Variants in VEZT observed in about 807,000 individuals in gnomAD.
VEZT encodes vezatin, adherens junctions transmembrane protein.
A neutral mutation model predicts 79.9 loss-of-function variants in VEZT; 39 were observed. That is an observed-to-expected ratio of 0.49 (90% CI 0.38 to 0.64). The LOEUF (loss-of-function observed/expected upper bound fraction) is 0.64. Among genes scored for constraint, VEZT ranks in the 30% least tolerant of loss-of-function variants. The pLI is 0.00. For missense variants in VEZT, 837 were observed against 893.1 expected, an observed-to-expected ratio of 0.94 and a Z score of 0.80; for synonymous variants, 325 against 327.6, an observed-to-expected ratio of 0.99 and a Z score of 0.09.
In VEZT at chr12:95,266,558, A is replaced by C; in HGVS notation, c.636A>C (p.Arg212=). 1.2e-6 allele frequency: 2 copies of C among 1,613,958 alleles called. No individual in the cohort carries two copies. Among genetic ancestry groups the C allele is most frequent in the Non-Finnish European group, 1.7e-6 (2 of 1,179,884 alleles). Residue 212 remains arginine (R), a synonymous_variant, in exon 5 of 12, where the codon CGA becomes CGC. Coordinates refer to ENST00000436874, the MANE Select transcript of VEZT (RefSeq NM_017599.4). ...TGGAAGATATGGCCACAAACAGCCG[A>C]GCTTTTACTAACCTCGTGAGAAAAG... is the stretch of plus-strand genomic sequence containing the variant. ...VHLEDMATNS[R]AFTNLVRKAL... is the part of the protein sequence containing the mutation.
intron 1 of VEZT, among the ~76,000 whole-genome samples, chr12:95,236,268 C>G (rs9739397): frequency 0.4 from 60,109 of 151,696 alleles, 12,241 homozygotes; most frequent in African/African-American, 0.48. Flanking sequence ...CCAAAAAATA[C>G]GAAAACCAGT....
At chr12:95,279,505 G>A (rs2068522653) in intron 7 of VEZT, among the ~76,000 whole-genome samples, 2 of 152,164 alleles carry the variant, frequency 1.3e-5, no homozygotes, top group African/African-American at 4.8e-5. Flanking sequence ...CTTATCCAGA[G>A]GAGCTTTCCT....
chr12:95,292,609 C>T (rs774208589), intron 9 of VEZT, among the ~76,000 whole-genome samples: 4 of 143,220 alleles, frequency 2.8e-5, no homozygotes, highest in South Asian at 4.4e-4. Flanking sequence ...AGTGCAGTGG[C>T]GCGATCTCGC....
At chr12:95,278,607 C>A (rs898291117) in intron 7 of VEZT, among the ~76,000 whole-genome samples, 2 of 152,094 alleles carry the variant, frequency 1.3e-5, no homozygotes, top group Admixed American at 6.5e-5. Flanking sequence ...GTGTGTTGCC[C>A]CCTCTAAAGA....
chr12:95,287,539 G>A lies in VEZT; in HGVS notation c.1329-125G>A, dbSNP rs549765528. 8.4e-6 allele frequency: 7 copies of A among 834,522 alleles called. 1 individual carries two copies. The South Asian group carries it at 1.3e-4, about 15-fold the overall frequency. The allele number at this position is 834,522 out of a possible 1,614,324, so 51.7% of individuals were successfully genotyped here. A position where few individuals can be genotyped will look rare whatever the true frequency, so the allele number is the denominator to read the frequency against. On this transcript the variant is annotated intron_variant, in intron 8 of 11. Coordinates refer to ENST00000436874, the MANE Select transcript of VEZT (RefSeq NM_017599.4). ...GCTGGTTTTGAACTCCTGAGCTCAA[G>A]CCATTCACCTGCCTTGGCCTCCCAA...
intron 1 of VEZT, among the ~76,000 whole-genome samples, chr12:95,234,881 A>T (rs2059807623): frequency 6.6e-6 from 1 of 152,138 alleles, no homozygotes; most frequent in African/African-American, 2.4e-5. Context: ...GCTGCCTTCA[A>T]GCATCTGTTT....
intron 1 of VEZT, among the ~76,000 whole-genome samples, chr12:95,249,414 AT>A (rs2062171699): frequency 6.6e-6 from 1 of 152,224 alleles, no homozygotes. Flanking sequence ...GAAAATGCAG[AT>A]TCACTAATTC....
intron 1 of VEZT, among the ~76,000 whole-genome samples, chr12:95,229,720 A>G (rs2058971956): frequency 6.6e-6 from 1 of 152,194 alleles, no homozygotes; most frequent in African/African-American, 2.4e-5. Context: ...AGTTCCTAGA[A>G]GCAAATCATG....
At chr12:95,222,683 A>C (rs2057804725) in intron 1 of VEZT, among the ~76,000 whole-genome samples, 1 of 152,164 alleles carries the variant, frequency 6.6e-6, no homozygotes, top group African/African-American at 2.4e-5. Context: ...TTTGTAAAAA[A>C]ATAAAAAATA....
chr12:95,286,817 A>G (rs2071021430), intron 8 of VEZT: 1 of 478,110 alleles, frequency 2.1e-6, no homozygotes. Flanking sequence ...ATGTTTTGCA[A>G]TGTGGTTTTG....
intron 8 of VEZT, chr12:95,286,958 G>T (rs56324965): frequency 0.072 from 9,646 of 133,786 alleles, 424 homozygotes; most frequent in Middle Eastern, 0.13. Flanking sequence ...TGGGGAGGGA[G>T]CCAGGGAGCT....
chr12:95,270,981 T>C, intron 6 of VEZT, among the ~76,000 whole-genome samples: 1 of 152,210 alleles, frequency 6.6e-6, no homozygotes, highest in Non-Finnish European at 1.5e-5. Flanking sequence ...CTGATAAATA[T>C]AATACTTAAA....
intron 7 of VEZT, among the ~76,000 whole-genome samples, chr12:95,276,855 C>T (rs2067892214): frequency 6.6e-6 from 1 of 152,038 alleles, no homozygotes; most frequent in Non-Finnish European, 1.5e-5. Flanking sequence ...ATTCCTACTC[C>T]CCTTCTAACC....
At chr12:95,232,369 G>A (rs919210495) in intron 1 of VEZT, among the ~76,000 whole-genome samples, 1 of 152,006 alleles carries the variant, frequency 6.6e-6, no homozygotes, top group Non-Finnish European at 1.5e-5. Context: ...TTTTTTTCCA[G>A]AGAAATTACA....
chr12:95,268,900 A>G (rs1179529806), intron 5 of VEZT, among the ~76,000 whole-genome samples: 1 of 152,222 alleles, frequency 6.6e-6, no homozygotes, highest in African/African-American at 2.4e-5. Flanking sequence ...TATTGAAATC[A>G]TGAATGCTGT....
intron 4 of VEZT, among the ~76,000 whole-genome samples, chr12:95,264,093 G>A (rs944592017): frequency 6.6e-6 from 1 of 152,292 alleles, no homozygotes; most frequent in African/African-American, 2.4e-5. Flanking sequence ...AAGTTATATA[G>A]GCAGTTACAT....
Position 95,294,325 on chromosome 12 carries a change from C to G in VEZT, c.1576C>G (p.Gln526Glu). 1 of 1,593,300 alleles carries G rather than the reference C, an allele frequency of 6.3e-7. No individual in the cohort carries two copies. The highest frequency in any genetic ancestry group is 8.6e-7 in the Non-Finnish European group (1 of 1,169,298). The stretch of plus-strand genomic sequence containing the variant: ...ACATTGTACAGTAGTACCTTTGAAG[C>G]AGCCTACTCTACACATTGCAGACAA... ...NPHCTVVPLK[Q>E]PTLHIADKDP... is the part of the protein sequence containing the mutation. Residue 526 changes from glutamine to glutamate, a missense_variant, in exon 10 of 12, where the codon CAG (glutamine) becomes GAG (glutamate). Coordinates refer to ENST00000436874, the MANE Select transcript of VEZT (RefSeq NM_017599.4).
At chr12:95,256,935 G>C (rs762982992) in intron 2 of VEZT, among the ~76,000 whole-genome samples, 45 of 152,122 alleles carry the variant, frequency 3.0e-4, no homozygotes, top group Admixed American at 5.2e-4. Context: ...CCAAGAATAT[G>C]TTTCTAACTA....
rs756472957 is a variant in VEZT at position 95,263,071 on chromosome 12, C to G, written c.424C>G (p.Pro142Ala). The G allele has an allele frequency of 6.2e-7, 1 of 1,606,422 alleles. No homozygotes were observed. The highest frequency in any genetic ancestry group is 8.5e-7 in the Non-Finnish European group (1 of 1,174,392). The change falls in exon 4 of 12, where the codon CCT becomes GCT. Residue 142 changes from proline to alanine, a missense_variant. By Grantham distance (27) the Pro-to-Ala change is conservative (BLOSUM62 -1). Coordinates refer to ENST00000436874, the MANE Select transcript of VEZT (RefSeq NM_017599.4). ...TCCAACACTTTGCTCCCTGGCAACC[C>G]CTAATATTTGGTACTGTCCAGAAAA... is the stretch of plus-strand genomic sequence containing the variant. ...HLPTLCSLAT[P>A]NIWDLSMLFA...
Sources: gnomAD v4.1 joint callset for allele counts (sites outside exome capture counted in the v4.1 genomes callset) on GRCh38, gnomAD v4.1.1 for gene constraint, MANE v1.5 for transcripts, NCBI Gene and HGNC (gene_info 2026-07-23, HGNC 2026-07-21) for gene names.